The following TYW1 variants were observed in gnomAD, a reference collection of about 807,000 sequenced individuals.
The protein encoded by TYW1 is tRNA-yW synthesizing protein 1 homolog.
Under a neutral mutation model 96.2 loss-of-function variants are expected in TYW1, and 46 were observed. That is an observed-to-expected ratio of 0.48 (90% CI 0.38 to 0.61). The LOEUF is 0.61. TYW1 is among the 20% of genes least tolerant of loss of function. The probability of loss-of-function intolerance (pLI) is 0.00; values close to 1 mark genes in which losing one functional copy is unlikely to be tolerated. For missense variants in TYW1, 684 were observed against 909.6 expected (o/e 0.75, Z 3.19); for synonymous variants, 274 against 323.0 (o/e 0.85, Z 1.63).
Position 67,115,009 on chromosome 7 carries a change from T to C in TYW1, c.1563-2474T>C, listed in dbSNP as rs572046299. ...TGAGTGTAGCATCTCAGACATCTAG[T>C]ATTGGCTAGAATTCCTTATTGGTAG... is the stretch of plus-strand genomic sequence containing the variant. On this transcript the variant is annotated intron_variant, in intron 12 of 15. Coordinates refer to ENST00000359626, the MANE Select transcript of TYW1 (RefSeq NM_018264.4). 3.3e-5 allele frequency among the ~76,000 whole-genome samples: 5 copies of C among 152,254 alleles called. No individual in the cohort carries two copies. The South Asian group carries it at 1.0e-3, about 32-fold the overall frequency.
chr7:67,146,805 G>T (rs1381360159), intron 13 of TYW1, among the ~76,000 whole-genome samples: 1 of 152,210 alleles, frequency 6.6e-6, no homozygotes, highest in Non-Finnish European at 1.5e-5. Context: ...ACCAGAGGCT[G>T]ATACAGTGGC....
intron 13 of TYW1, 26 bp downstream of exon 13, chr7:67,117,644 A>C: frequency 6.3e-7 from 1 of 1,594,420 alleles, no homozygotes; most frequent in Non-Finnish European, 8.5e-7. Context: ...TCTTAAAAAT[A>C]AATAAACAAC....
intron 13 of TYW1, among the ~76,000 whole-genome samples, chr7:67,134,221 G>T (rs1280061382): frequency 6.6e-6 from 1 of 151,980 alleles, no homozygotes; most frequent in Non-Finnish European, 1.5e-5. Context: ...TTCACCTTGG[G>T]CTAGGTGAAA....
chr7:67,085,061 A>G (rs908027621), intron 11 of TYW1, among the ~76,000 whole-genome samples: 22 of 152,246 alleles, frequency 1.4e-4, no homozygotes, highest in African/African-American at 5.1e-4. Flanking sequence ...GACTGTTTTA[A>G]TATAGACACT....
intron 10 of TYW1, among the ~76,000 whole-genome samples, chr7:67,075,268 G>C (rs547927808): frequency 6.6e-6 from 1 of 151,968 alleles, no homozygotes; most frequent in African/African-American, 2.4e-5. Context: ...TTATTTTAAG[G>C]TTTTATTCTT....
At chr7:67,238,012 T>A (rs893438227) in intron 15 of TYW1, among the ~76,000 whole-genome samples, 2 of 152,080 alleles carry the variant, frequency 1.3e-5, no homozygotes, top group African/African-American at 4.8e-5. Flanking sequence ...CATGGTAACA[T>A]GGAAACATTT....
At chr7:66,997,725 T>C (rs550177563) in intron 1 of TYW1, among the ~76,000 whole-genome samples, 1 of 145,450 alleles carries the variant, frequency 6.9e-6, no homozygotes, top group South Asian at 2.2e-4. Context: ...CCCTCCCAGG[T>C]TCAAACAGTT....
chr7:67,174,705 T>C (rs576046276), intron 13 of TYW1, among the ~76,000 whole-genome samples: 5 of 150,400 alleles, frequency 3.3e-5, no homozygotes, highest in African/African-American at 1.2e-4. Flanking sequence ...ATCCATAAAA[T>C]AGGATTATAA....
chr7:67,042,097 T>C (rs1562980806), intron 7 of TYW1, among the ~76,000 whole-genome samples: 1 of 147,500 alleles, frequency 6.8e-6, no homozygotes, highest in Non-Finnish European at 1.5e-5. Context: ...AACAATTATA[T>C]AATTAGAATT....
chr7:67,175,402 C>G (rs1356162699), intron 13 of TYW1, among the ~76,000 whole-genome samples: 1 of 152,094 alleles, frequency 6.6e-6, no homozygotes, highest in Non-Finnish European at 1.5e-5. Flanking sequence ...AACTCCCAAC[C>G]TCAGGTGATC....
rs1449071515 is a variant in TYW1, at chr7:67,029,413, GTGTA to G, written c.984+4393_984+4396del. ...TGTGTGTGTGTGTGTGTGTGTGTGT[GTGTA>G]TATATATATATATATAAATAGTATT... is the stretch of plus-strand genomic sequence containing the variant. On this transcript the variant is annotated intron_variant, in intron 7 of 15. Transcript: ENST00000359626. Among the ~76,000 whole-genome samples the G allele has an allele frequency of 2.3e-3, 213 of 93,480 alleles. 2 individuals are homozygous for G. The highest frequency in any genetic ancestry group is 3.3e-3 in the African/African-American group (88 of 26,384). 61.3% of individuals were successfully genotyped at this position (93,480 alleles called of 152,430 possible). A position where few individuals can be genotyped will look rare whatever the true frequency, so the allele number is the denominator to read the frequency against.
chr7:67,106,086 A>C (rs1280878674), intron 12 of TYW1, among the ~76,000 whole-genome samples: 1 of 151,922 alleles, frequency 6.6e-6, no homozygotes, highest in Non-Finnish European at 1.5e-5. Context: ...TAGTAGAGAC[A>C]GGGTTTCTCC....
chr7:67,102,664 T>G (rs1187690444), intron 12 of TYW1, among the ~76,000 whole-genome samples: 2 of 152,108 alleles, frequency 1.3e-5, no homozygotes, highest in Non-Finnish European at 2.9e-5. Context: ...GAATTTTTTT[T>G]TTTTTGAGAT....
chr7:67,219,139 A>G (rs1307818584), intron 15 of TYW1, among the ~76,000 whole-genome samples: 1 of 152,160 alleles, frequency 6.6e-6, no homozygotes, highest in Non-Finnish European at 1.5e-5. Context: ...GTTTTGTCAG[A>G]TGCCTTTCCT....
intron 12 of TYW1, among the ~76,000 whole-genome samples, chr7:67,106,116 C>G (rs1797233344): frequency 6.6e-6 from 1 of 152,104 alleles, no homozygotes; most frequent in African/African-American, 2.4e-5. Context: ...AGGCTGGTCT[C>G]AAACTCCTGA....
intron 4 of TYW1, among the ~76,000 whole-genome samples, chr7:67,011,384 G>T (rs1793790525): frequency 6.6e-6 from 1 of 152,238 alleles, no homozygotes; most frequent in Admixed American, 6.5e-5. Flanking sequence ...TCTGAAAAGT[G>T]TTCCTCCCCT....
intron 14 of TYW1, among the ~76,000 whole-genome samples, chr7:67,187,885 T>C (rs1800080451): frequency 1.3e-5 from 2 of 152,244 alleles, no homozygotes; most frequent in African/African-American, 4.8e-5. Flanking sequence ...GGTTTGTAAT[T>C]CAAAAGACAA....
intron 13 of TYW1, among the ~76,000 whole-genome samples, chr7:67,173,480 T>C (rs1174974163): frequency 6.6e-6 from 1 of 152,280 alleles, no homozygotes; most frequent in Non-Finnish European, 1.5e-5. Flanking sequence ...TAATTGTTGC[T>C]GTACTGTTTC....
chr7:67,131,385 G>T (rs945564625), intron 13 of TYW1, among the ~76,000 whole-genome samples: 1 of 152,146 alleles, frequency 6.6e-6, no homozygotes, highest in African/African-American at 2.4e-5. Flanking sequence ...GAATAAGATA[G>T]TAAGTACCAC....
Sources: allele counts gnomAD v4.1 joint callset (sites outside exome capture counted in the v4.1 genomes callset), GRCh38; gene constraint gnomAD v4.1.1; transcripts MANE v1.5; gene names NCBI Gene and HGNC (gene_info 2026-07-23, HGNC 2026-07-21).